The following PCCA variants were observed in gnomAD, a reference collection of about 807,000 sequenced individuals.
PCCA encodes propionyl-CoA carboxylase alpha chain, mitochondrial.
PCCA carries 74 observed loss-of-function variants against 101.3 expected under a neutral mutation model. The ratio of observed to expected loss-of-function variants is 0.73; its 90% confidence interval spans 0.61 to 0.89. PCCA has a LOEUF of 0.89. Among genes scored for constraint, PCCA ranks in the 40% least tolerant of loss-of-function variants. PCCA has a pLI of 0.00. For synonymous variants in PCCA, 294 were observed against 313.6 expected (o/e 0.94, Z 0.66); for missense variants, 891 against 907.0 (o/e 0.98, Z 0.23).
chr13:100,473,941 G>C (rs1307599031), intron 21 of PCCA, among the ~76,000 whole-genome samples: 2 of 152,214 alleles, frequency 1.3e-5, no homozygotes, highest in Non-Finnish European at 1.5e-5. Flanking sequence ...AAGGTTGTCT[G>C]TTCTGCTTAC....
At chr13:100,484,448 A>ATC (rs1289699863) in intron 21 of PCCA, among the ~76,000 whole-genome samples, 1 of 152,242 alleles carries the variant, frequency 6.6e-6, no homozygotes, top group Non-Finnish European at 1.5e-5. Context: ...AGAGAAACTC[A>ATC]TCAGACTGCA....
intron 6 of PCCA, among the ~76,000 whole-genome samples, chr13:100,168,648 A>G (rs931628355): frequency 1.3e-5 from 2 of 152,124 alleles, no homozygotes; most frequent in African/African-American, 2.4e-5. Context: ...AAATGTGACA[A>G]CGTAGCAGAT....
rs533971397 is a variant in PCCA at position 100,501,675 on chromosome 13, C to T, written c.1900-13752C>T. 6.6e-5 allele frequency among the ~76,000 whole-genome samples: 10 copies of T among 152,108 alleles called. No individual in the cohort carries two copies. In the East Asian group the frequency reaches 1.9e-3, roughly 30 times the overall value. ...GCTCACGAGGTCAGGAGTTTGAGGC[C>T]AGCCTGGCCAACATAGTGAAACCCC... On this transcript the variant is annotated intron_variant, in intron 21 of 23. Coordinates refer to ENST00000376285, the MANE Select transcript of PCCA (RefSeq NM_000282.4).
At chr13:100,093,663 C>A (rs2046476883) in intron 1 of PCCA, among the ~76,000 whole-genome samples, 2 of 152,180 alleles carry the variant, frequency 1.3e-5, no homozygotes, top group Admixed American at 1.3e-4. Flanking sequence ...CCTGCAATCT[C>A]AACCCTTTGG....
chr13:100,346,052 T>G (rs532493502), intron 18 of PCCA, among the ~76,000 whole-genome samples: 4 of 152,170 alleles, frequency 2.6e-5, no homozygotes, highest in Non-Finnish European at 5.9e-5. Flanking sequence ...AGAGCTCTGA[T>G]GGAGAAGCAC....
At chr13:100,392,222 A>G (rs1340017007) in intron 19 of PCCA, among the ~76,000 whole-genome samples, 1 of 151,766 alleles carries the variant, frequency 6.6e-6, no homozygotes, top group Non-Finnish European at 1.5e-5. Flanking sequence ...AGGAAGGAAG[A>G]GAGAGAACAG....
chr13:100,105,657 C>CAAAAAAAAA (rs34277733), intron 2 of PCCA, among the ~76,000 whole-genome samples: 12 of 75,874 alleles, frequency 1.6e-4, no homozygotes, highest in Admixed American at 5.0e-4. Flanking sequence ...CTGTCTCTAC[C>CAAAAAAAAA]AAAAAAAAAA....
chr13:100,229,955 A>T (rs1318867873), intron 7 of PCCA, among the ~76,000 whole-genome samples: 1 of 152,252 alleles, frequency 6.6e-6, no homozygotes, highest in East Asian at 1.9e-4. Flanking sequence ...TAACTCACTT[A>T]TAAAACCGCT....
At position 100,514,835 on chromosome 13, in the gene PCCA, A is replaced by G. The variant is rs535531661; in HGVS notation, c.1900-592A>G. Among the ~76,000 whole-genome samples, 14 of 152,354 alleles carry G rather than the reference A, an allele frequency of 9.2e-5. No homozygotes were observed. In the East Asian group the frequency reaches 2.3e-3, roughly 25 times the overall value. Reference sequence around the variant, plus strand: ...CATCTTGTTACATCAGAAAGACTACATAGTGCCTTTAAGAAAAGCCAACGT... The same window carrying G: ...CATCTTGTTACATCAGAAAGACTACGTAGTGCCTTTAAGAAAAGCCAACGT... On this transcript the variant is annotated intron_variant, in intron 21 of 23. Transcript: ENST00000376285.
In PCCA at chr13:100,307,355, A is replaced by G. The variant is rs1253166609; in HGVS notation, c.1353+95A>G. 5.9e-6 allele frequency: 5 copies of G among 846,194 alleles called. No individual in the cohort carries two copies. In the South Asian group the frequency reaches 7.2e-5, roughly 12 times the overall value. 52.4% of individuals were successfully genotyped at this position (846,194 alleles called of 1,614,324 possible). A position where few individuals can be genotyped will look rare whatever the true frequency, so the allele number is the denominator to read the frequency against. On this transcript the variant is annotated intron_variant, in intron 15 of 23. Coordinates refer to ENST00000376285, the MANE Select transcript of PCCA (RefSeq NM_000282.4). ...TGGGCCTTTATCTGAATCATAAGCTATAATTAAACAACTAATTATGCACTG... is the reference window on the plus strand; with the variant it reads ...TGGGCCTTTATCTGAATCATAAGCTGTAATTAAACAACTAATTATGCACTG...
At chr13:100,169,438 CAAAA>C (rs10606930) in intron 6 of PCCA, among the ~76,000 whole-genome samples, 5 of 133,922 alleles carry the variant, frequency 3.7e-5, no homozygotes, top group Non-Finnish European at 4.9e-5. Flanking sequence ...GAGACTGTCT[CAAAA>C]AAAAAAAAAA....
intron 18 of PCCA, among the ~76,000 whole-genome samples, chr13:100,355,955 A>G (rs1007541821): frequency 3.3e-5 from 5 of 152,176 alleles, no homozygotes; most frequent in African/African-American, 9.6e-5. Context: ...GACTCCAGAA[A>G]TAAATTGTTA....
chr13:100,452,464 A>C (rs1266343527), intron 21 of PCCA, among the ~76,000 whole-genome samples: 3 of 152,116 alleles, frequency 2.0e-5, no homozygotes, highest in East Asian at 1.9e-4. Context: ...CACATGCCTT[A>C]GGGTCTCTGC....
In PCCA at chr13:100,276,526, T is replaced by G. The variant is rs544251138; in HGVS notation, c.1065+3180T>G. 1.7e-3 allele frequency among the ~76,000 whole-genome samples: 264 copies of G among 152,298 alleles called. 1 individual carries two copies. Among genetic ancestry groups the G allele is most frequent in the Non-Finnish European group, 2.2e-3 (150 of 68,012 alleles). ...CACCATTATTACTTCTGGAACAATC[T>G]CACATACACAGATGAATAAACCTAT... On this transcript the variant is annotated intron_variant, in intron 12 of 23. Transcript: ENST00000376285.
intron 4 of PCCA, chr13:100,150,888 C>A: frequency 2.6e-6 from 4 of 1,557,664 alleles, no homozygotes; most frequent in Non-Finnish European, 3.5e-6. Context: ...CGTTTTCGGC[C>A]ACCACGGCAA....
intron 7 of PCCA, among the ~76,000 whole-genome samples, chr13:100,233,329 T>C (rs1157145648): frequency 5.9e-5 from 9 of 152,232 alleles, no homozygotes; most frequent in Admixed American, 5.9e-4. Flanking sequence ...TTTTAATTTG[T>C]ATTTCTGTAA....
intron 8 of PCCA, among the ~76,000 whole-genome samples, chr13:100,238,813 T>C (rs1219286304): frequency 1.3e-5 from 2 of 152,340 alleles, no homozygotes; most frequent in Non-Finnish European, 2.9e-5. Context: ...TTGAGATATA[T>C]CACATTTTAA....
chr13:100,176,657 C>T (rs2056262914), intron 6 of PCCA, among the ~76,000 whole-genome samples: 1 of 152,160 alleles, frequency 6.6e-6, no homozygotes, highest in Non-Finnish European at 1.5e-5. Context: ...AATGTCAGGA[C>T]TCAAGTCCGA....
intron 20 of PCCA, among the ~76,000 whole-genome samples, chr13:100,427,544 T>C (rs970174418): frequency 1.3e-5 from 2 of 152,038 alleles, no homozygotes; most frequent in African/African-American, 4.8e-5. Context: ...TCATGTTCGG[T>C]AAATCCCTTT....
Sources: gnomAD v4.1 joint callset for allele counts (sites outside exome capture counted in the v4.1 genomes callset) on GRCh38, gnomAD v4.1.1 for gene constraint, MANE v1.5 for transcripts, NCBI Gene and HGNC (gene_info 2026-07-23, HGNC 2026-07-21) for gene names.